The following ZBTB20 variants were observed in gnomAD, a reference collection of about 807,000 sequenced individuals.
ZBTB20 encodes the protein zinc finger and BTB domain-containing protein 20.
In ZBTB20, 9 loss-of-function variants were observed where a neutral mutation model predicts 56.9. That is an observed-to-expected ratio of 0.16 (90% CI 0.10 to 0.28). The LOEUF is 0.28. ZBTB20 is among the 10% of genes least tolerant of loss of function. ZBTB20 has a pLI of 1.00. For synonymous variants in ZBTB20, 417 were observed against 420.7 expected (o/e 0.99, Z 0.11); for missense variants, 655 against 1,003.0 (o/e 0.65, Z 4.69).
chr3:114,883,916 CTTTTTTTTTTTT>C lies in ZBTB20; in HGVS notation c.-417+16376_-417+16387del, dbSNP rs869141975. 5.6e-5 allele frequency among the ~76,000 whole-genome samples: 5 copies of C among 89,774 alleles called. 1 individual carries two copies. Among genetic ancestry groups the C allele is most frequent in the Non-Finnish European group, 1.1e-4 (5 of 46,742 alleles). 58.9% of individuals were successfully genotyped at this position (89,774 alleles called of 152,430 possible). On this transcript the variant is annotated intron_variant, in intron 4 of 11. Transcript: ENST00000675478. The stretch of plus-strand genomic sequence containing the variant: ...GTATAACTGGTAAGAATGGTGTGTT[CTTTTTTTTTTTT>C]TTTTTTTTTTTTTTTGAGACGGAGT...
intron 4 of ZBTB20, among the ~76,000 whole-genome samples, chr3:114,864,859 G>T (rs938075986): frequency 6.6e-6 from 1 of 151,996 alleles, no homozygotes; most frequent in African/African-American, 2.4e-5. Flanking sequence ...TCCAACTTTT[G>T]CCCCTTCATT....
chr3:114,908,138 T>A, intron 3 of ZBTB20, among the ~76,000 whole-genome samples: 1 of 151,914 alleles, frequency 6.6e-6, no homozygotes, highest in East Asian at 1.9e-4. Flanking sequence ...AATGTTTCTA[T>A]TAAAATATAA....
chr3:114,420,739 T>C (rs1476900908), intron 7 of ZBTB20, among the ~76,000 whole-genome samples: 2 of 152,154 alleles, frequency 1.3e-5, no homozygotes, highest in Non-Finnish European at 1.5e-5. Context: ...TTCTATTCCA[T>C]CTCATGTTAT....
intron 7 of ZBTB20, among the ~76,000 whole-genome samples, chr3:114,484,317 A>C (rs1349586751): frequency 6.6e-6 from 1 of 152,206 alleles, no homozygotes; most frequent in Admixed American, 6.5e-5. Context: ...AGTTTAAAAA[A>C]ACACAAACAA....
At chr3:114,462,894 C>G (rs534782721) in intron 7 of ZBTB20, among the ~76,000 whole-genome samples, 2 of 152,174 alleles carry the variant, frequency 1.3e-5, no homozygotes, top group Non-Finnish European at 2.9e-5. Flanking sequence ...ATAATAGTGA[C>G]GTATGCCTCT....
chr3:114,594,327 T>C (rs1050249846), intron 6 of ZBTB20, among the ~76,000 whole-genome samples: 8 of 149,346 alleles, frequency 5.4e-5, no homozygotes, highest in African/African-American at 1.7e-4. Flanking sequence ...AGTGCAGTGG[T>C]GCGATCTCAG....
chr3:114,410,670 G>T (rs554982660), intron 7 of ZBTB20, among the ~76,000 whole-genome samples: 1 of 152,168 alleles, frequency 6.6e-6, no homozygotes, highest in Non-Finnish European at 1.5e-5. Flanking sequence ...ACAAGAGAGC[G>T]CTGGTTCCAG....
chr3:114,659,362 A>G (rs1332227670), intron 6 of ZBTB20, among the ~76,000 whole-genome samples: 1 of 152,244 alleles, frequency 6.6e-6, no homozygotes, highest in East Asian at 1.9e-4. Context: ...TAACTGCCCA[A>G]CTAGGAAGCC....
intron 6 of ZBTB20, among the ~76,000 whole-genome samples, chr3:114,539,052 C>T (rs2048808636): frequency 6.6e-6 from 1 of 152,040 alleles, no homozygotes; most frequent in African/African-American, 2.4e-5. Context: ...ATTTTATTAG[C>T]GTTTTAAATT....
chr3:114,927,178 C>G lies in ZBTB20; in HGVS notation c.-455-26836G>C, dbSNP rs2076189675. 2.6e-5 allele frequency among the ~76,000 whole-genome samples: 4 copies of G among 152,180 alleles called. No individual in the cohort carries two copies. In the South Asian group the frequency reaches 8.3e-4, roughly 32 times the overall value. ...ATATCTCATTGCCTCTTTGTCAAGG[C>G]TAATCAGAAACTCAAGAATGCAACC... On this transcript the variant is annotated intron_variant, in intron 3 of 11. Transcript: ENST00000675478.
At chr3:114,378,714 A>C (rs1414387624) in intron 10 of ZBTB20, among the ~76,000 whole-genome samples, 1 of 152,206 alleles carries the variant, frequency 6.6e-6, no homozygotes, top group African/African-American at 2.4e-5. Context: ...GGAACGGGCT[A>C]TTTTCCTGGT....
At chr3:114,420,102 C>T (rs1044884232) in intron 7 of ZBTB20, among the ~76,000 whole-genome samples, 2 of 152,122 alleles carry the variant, frequency 1.3e-5, no homozygotes, top group African/African-American at 4.8e-5. Context: ...AACATGAAAA[C>T]TCTCATTACC....
At chr3:114,570,606 G>A (rs1479578933) in intron 6 of ZBTB20, among the ~76,000 whole-genome samples, 1 of 152,160 alleles carries the variant, frequency 6.6e-6, no homozygotes, top group East Asian at 1.9e-4. Flanking sequence ...TATGCAATAT[G>A]GCTCCATAAC....
chr3:114,707,929 T>C (rs1021365965), intron 5 of ZBTB20, among the ~76,000 whole-genome samples: 1 of 152,186 alleles, frequency 6.6e-6, no homozygotes, highest in Admixed American at 6.6e-5. Context: ...ACTATTTATA[T>C]TGTACCTTAT....
At chr3:114,629,748 T>C (rs1222703642) in intron 6 of ZBTB20, among the ~76,000 whole-genome samples, 1 of 152,228 alleles carries the variant, frequency 6.6e-6, no homozygotes, top group Non-Finnish European at 1.5e-5. Flanking sequence ...AGGCCCTGTT[T>C]GGATACAGAG....
intron 7 of ZBTB20, among the ~76,000 whole-genome samples, chr3:114,478,286 C>A (rs2041111879): frequency 6.6e-6 from 1 of 152,326 alleles, no homozygotes; most frequent in South Asian, 2.1e-4. Flanking sequence ...TGTTTCTAAT[C>A]TTTATTCCTC....
At chr3:114,370,724 G>A (rs1015665731) in intron 10 of ZBTB20, among the ~76,000 whole-genome samples, 30 of 152,158 alleles carry the variant, frequency 2.0e-4, no homozygotes, top group Middle Eastern at 6.8e-3. Flanking sequence ...CTAATCTCAC[G>A]CATTCCTGCT....
At chr3:114,961,655 C>T (rs2077455620) in intron 3 of ZBTB20, among the ~76,000 whole-genome samples, 1 of 152,048 alleles carries the variant, frequency 6.6e-6, no homozygotes, top group African/African-American at 2.4e-5. Context: ...GACAACCTTC[C>T]CGTTGTTCTT....
intron 7 of ZBTB20, among the ~76,000 whole-genome samples, chr3:114,438,308 C>T (rs2090660923): frequency 6.7e-6 from 1 of 149,468 alleles, no homozygotes; most frequent in Non-Finnish European, 1.5e-5. Context: ...GTTAGGTGCT[C>T]ATTTTAAAAC....
Sources: gnomAD v4.1 joint callset for allele counts (sites outside exome capture counted in the v4.1 genomes callset) on GRCh38, gnomAD v4.1.1 for gene constraint, MANE v1.5 for transcripts, NCBI Gene and HGNC (gene_info 2026-07-23, HGNC 2026-07-21) for gene names.